DNER: variants seen among roughly 807,000 people sequenced by gnomAD.
DNER encodes the protein delta and Notch-like epidermal growth factor-related receptor.
In DNER, 33 loss-of-function variants were observed where a neutral mutation model predicts 78.2. That is an observed-to-expected ratio of 0.42 (90% CI 0.32 to 0.56). The LOEUF is 0.56. Ranked by LOEUF, DNER falls within the 20% of genes least tolerant of loss-of-function variation. DNER has a pLI of 0.11. For missense variants in DNER, 918 were observed against 975.3 expected (o/e 0.94, Z 0.78); for synonymous variants, 417 against 384.8 (o/e 1.08, Z -0.98).
intron 1 of DNER, among the ~76,000 whole-genome samples, chr2:229,637,647 A>T (rs1415317355): frequency 6.6e-6 from 1 of 152,240 alleles, no homozygotes; most frequent in Admixed American, 6.5e-5. Context: ...GCATTCAGAG[A>T]CATCACCTTG....
intron 7 of DNER, among the ~76,000 whole-genome samples, chr2:229,466,588 C>G (rs920995016): frequency 1.3e-5 from 2 of 152,152 alleles, no homozygotes; most frequent in Admixed American, 1.3e-4. Context: ...GGCCACTATT[C>G]CATAAGACCC....
intron 10 of DNER, among the ~76,000 whole-genome samples, chr2:229,401,389 C>T (rs1290308612): frequency 6.6e-6 from 1 of 152,058 alleles, no homozygotes; most frequent in Non-Finnish European, 1.5e-5. Flanking sequence ...GTTTACACCA[C>T]CTTTTTTATA....
intron 8 of DNER, among the ~76,000 whole-genome samples, chr2:229,438,395 T>C (rs769705741): frequency 1.3e-5 from 2 of 152,248 alleles, no homozygotes; most frequent in South Asian, 2.1e-4. Context: ...GGTTTGCACC[T>C]AACTTGGGGT....
Position 229,545,264 on chromosome 2 carries a change from C to T in DNER, c.993+1683G>A, listed in dbSNP as rs140697971. 3.2e-4 allele frequency among the ~76,000 whole-genome samples: 49 copies of T among 152,222 alleles called. No individual in the cohort carries two copies. The East Asian group carries it at 7.7e-3, about 24-fold the overall frequency. On this transcript the variant is annotated intron_variant, in intron 5 of 12. Transcript: ENST00000341772. ...GAGATCTTCAGGTGGACCCTGGATC[C>T]ACCTGCAAAATATTTTAAGGAAGCT...
At chr2:229,416,517 CA>C (rs1262238963) in intron 9 of DNER, among the ~76,000 whole-genome samples, 5 of 152,038 alleles carry the variant, frequency 3.3e-5, no homozygotes, top group African/African-American at 1.2e-4. Flanking sequence ...CTCAAGGCCA[CA>C]AAAAATGGGG....
intron 10 of DNER, among the ~76,000 whole-genome samples, chr2:229,388,736 G>A (rs1692955873): frequency 6.8e-6 from 1 of 147,026 alleles, no homozygotes; most frequent in African/African-American, 2.5e-5. Flanking sequence ...TCCCATGTCT[G>A]AATAAATCTT....
At chr2:229,642,210 G>A (rs1477890360) in intron 1 of DNER, among the ~76,000 whole-genome samples, 2 of 152,094 alleles carry the variant, frequency 1.3e-5, no homozygotes, top group Non-Finnish European at 2.9e-5. Context: ...AAGTACCTAA[G>A]ACATTTTACT....
At chr2:229,524,084 G>A (rs1266514311) in intron 5 of DNER, among the ~76,000 whole-genome samples, 4 of 152,240 alleles carry the variant, frequency 2.6e-5, no homozygotes, top group Non-Finnish European at 5.9e-5. Context: ...CAGAGAGGGT[G>A]AGTAAATTGA....
At chr2:229,477,884 A>G (rs1255109949) in intron 6 of DNER, among the ~76,000 whole-genome samples, 1 of 152,222 alleles carries the variant, frequency 6.6e-6, no homozygotes, top group African/African-American at 2.4e-5. Flanking sequence ...TCTCATGGTA[A>G]TTTTGTTGGA....
In DNER at chr2:229,460,698, G is replaced by A. The variant is rs1694677191; in HGVS notation, c.1262-13158C>T. On this transcript the variant is annotated intron_variant, in intron 7 of 12. Coordinates refer to ENST00000341772, the MANE Select transcript of DNER (RefSeq NM_139072.4). ...CATAGCCTACTAATCTGCTGATGGA[G>A]ACCAGACGTTGGTTGATTGGTGGCT... 2.0e-5 allele frequency among the ~76,000 whole-genome samples: 3 copies of A among 152,196 alleles called. No individual in the cohort carries two copies. In the South Asian group the frequency reaches 6.2e-4, roughly 32 times the overall value.
rs571720168 is a variant in DNER at position 229,487,767 on chromosome 2, C to T, written c.1148-10514G>A. The stretch of plus-strand genomic sequence containing the variant: ...AAAAGAAGTTCAGGAACAGTTCTTA[C>T]CTTCAGGGAGCTTAGGCTCCAGATG... On this transcript the variant is annotated intron_variant, in intron 6 of 12. Transcript: ENST00000341772. 2.6e-5 allele frequency among the ~76,000 whole-genome samples: 4 copies of T among 152,290 alleles called. No individual in the cohort carries two copies. The South Asian group carries it at 8.3e-4, about 32-fold the overall frequency.
intron 5 of DNER, among the ~76,000 whole-genome samples, chr2:229,533,013 T>C (rs1457468432): frequency 6.6e-6 from 1 of 152,174 alleles, no homozygotes; most frequent in Non-Finnish European, 1.5e-5. Context: ...TCAAATCTGC[T>C]TTTAGTAGAT....
At chr2:229,535,577 A>G (rs145625819) in intron 5 of DNER, among the ~76,000 whole-genome samples, 32 of 152,308 alleles carry the variant, frequency 2.1e-4, no homozygotes, top group African/African-American at 7.2e-4. Context: ...AACCTTGGAC[A>G]CATGTAACTG....
chr2:229,364,014 C>T (rs10933291), intron 12 of DNER, among the ~76,000 whole-genome samples: 72,695 of 97,394 alleles, frequency 0.75, 24,932 homozygotes, highest in East Asian at 0.88. Flanking sequence ...TTTTTTTTTT[C>T]TGAGACAGAG....
At chr2:229,366,841 G>A in intron 12 of DNER, 32 bp downstream of exon 12, 1 of 1,612,334 alleles carries the variant, frequency 6.2e-7, no homozygotes. Flanking sequence ...ACATGTGAAG[G>A]CAGCATTCCC....
intron 5 of DNER, among the ~76,000 whole-genome samples, chr2:229,520,929 G>A (rs1696082486): frequency 6.6e-6 from 1 of 152,198 alleles, no homozygotes; most frequent in Admixed American, 6.5e-5. Flanking sequence ...AAACAACCCT[G>A]TCAGCTTGAA....
intron 4 of DNER, among the ~76,000 whole-genome samples, chr2:229,563,785 CA>C (rs1697028665): frequency 6.8e-6 from 1 of 147,302 alleles, no homozygotes. Flanking sequence ...TCATCATCAA[CA>C]TCATCACCCC....
chr2:229,599,740 G>T (rs762262752), intron 1 of DNER, among the ~76,000 whole-genome samples: 21 of 152,146 alleles, frequency 1.4e-4, no homozygotes, highest in African/African-American at 5.1e-4. Flanking sequence ...ATTATAGAAA[G>T]AATTTTTAGG....
chr2:229,418,808 C>T (rs1362147649), intron 8 of DNER, among the ~76,000 whole-genome samples: 1 of 152,050 alleles, frequency 6.6e-6, no homozygotes, highest in Non-Finnish European at 1.5e-5. Flanking sequence ...GTAATCCCAG[C>T]TACTCAGTAG....
Sources: gnomAD v4.1 joint callset for allele counts (sites outside exome capture counted in the v4.1 genomes callset) on GRCh38, gnomAD v4.1.1 for gene constraint, MANE v1.5 for transcripts, NCBI Gene and HGNC (gene_info 2026-07-23, HGNC 2026-07-21) for gene names.